RSRC1: variants seen among roughly 807,000 people sequenced by gnomAD.
RSRC1 encodes the protein serine/Arginine-related protein 53.
RSRC1 carries 39 observed loss-of-function variants against 49.1 expected under a neutral mutation model. The ratio of observed to expected loss-of-function variants is 0.79; its 90% CI spans 0.61 to 1.04. The LOEUF (loss-of-function observed/expected upper bound fraction) is 1.04, where lower values mean the gene tolerates loss of function less well. Among genes scored for constraint, RSRC1 ranks in the 50% least tolerant of loss-of-function variants. The pLI, the probability that RSRC1 is intolerant of heterozygous loss-of-function variation, is 0.00. For missense variants in RSRC1, 388 were observed against 402.4 expected (o/e 0.96, Z 0.31); for synonymous variants, 143 against 130.8 (o/e 1.09, Z -0.63).
chr3:158,114,513 G>GT (rs1007442180), intron 1 of RSRC1, among the ~76,000 whole-genome samples: 5 of 151,340 alleles, frequency 3.3e-5, no homozygotes, highest in South Asian at 4.2e-4. Flanking sequence ...TTTTGAAATA[G>GT]TTTTTTTTTC....
intron 3 of RSRC1, among the ~76,000 whole-genome samples, chr3:158,162,410 C>CT (rs891190017): frequency 8.6e-5 from 13 of 151,782 alleles, no homozygotes; most frequent in Admixed American, 2.0e-4. Context: ...TAATGGTTTC[C>CT]TTTTTTTTGG....
chr3:158,235,839 CA>C (rs1327368721), intron 4 of RSRC1, among the ~76,000 whole-genome samples: 2 of 152,084 alleles, frequency 1.3e-5, no homozygotes, highest in Non-Finnish European at 1.5e-5. Context: ...TAAACCAGGC[CA>C]GGGGCGGTGG....
intron 5 of RSRC1, among the ~76,000 whole-genome samples, chr3:158,348,275 G>C (rs778609936): frequency 3.3e-5 from 5 of 152,158 alleles, no homozygotes; most frequent in African/African-American, 4.8e-5. Flanking sequence ...GAATGGAAGT[G>C]AGAAAGGTAA....
intron 1 of RSRC1, among the ~76,000 whole-genome samples, chr3:158,118,691 A>G (rs770810580): frequency 2.6e-5 from 4 of 152,078 alleles, no homozygotes; most frequent in Non-Finnish European, 5.9e-5. Flanking sequence ...GAAGGCTTTC[A>G]TCATGTTTGC....
intron 4 of RSRC1, among the ~76,000 whole-genome samples, chr3:158,285,782 G>C (rs1726505606): frequency 6.6e-6 from 1 of 152,094 alleles, no homozygotes; most frequent in Admixed American, 6.6e-5. Context: ...TCAGCTTAAG[G>C]ATATTTTGGG....
intron 3 of RSRC1, among the ~76,000 whole-genome samples, chr3:158,124,590 T>C (rs913843125): frequency 2.0e-5 from 3 of 152,152 alleles, no homozygotes; most frequent in Non-Finnish European, 2.9e-5. Context: ...ACTGATTCAA[T>C]CTCCTTGTTA....
At chr3:158,299,828 G>A (rs973531080) in intron 5 of RSRC1, among the ~76,000 whole-genome samples, 1 of 152,114 alleles carries the variant, frequency 6.6e-6, no homozygotes, top group African/African-American at 2.4e-5. Flanking sequence ...ATTTTATCCA[G>A]CAGTGGTTTT....
chr3:158,154,464 A>G lies in RSRC1; in HGVS notation c.320+30473A>G, dbSNP rs918580224. ...TGTTGTCTAGTATTTTACCGATCAT[A>G]GAACTTTTTTTTTTTTTTGAGAGGG... On this transcript the variant is annotated intron_variant, in intron 3 of 9. Coordinates refer to ENST00000611884, the MANE Select transcript of RSRC1 (RefSeq NM_001271838.2). Among the ~76,000 whole-genome samples, 28 of 140,898 alleles carry G rather than the reference A, an allele frequency of 2.0e-4. No homozygotes were observed. The Admixed American group carries it at 2.0e-3, about 10-fold the overall frequency. 92.4% of individuals were successfully genotyped at this position (140,898 alleles called of 152,430 possible).
intron 3 of RSRC1, among the ~76,000 whole-genome samples, chr3:158,194,962 G>A (rs1486188417): frequency 2.6e-5 from 4 of 152,194 alleles, no homozygotes; most frequent in African/African-American, 7.2e-5. Context: ...AAACATACAT[G>A]TGCATGTGTC....
At chr3:158,195,548 G>C (rs995193194) in intron 3 of RSRC1, among the ~76,000 whole-genome samples, 1 of 152,116 alleles carries the variant, frequency 6.6e-6, no homozygotes, top group African/African-American at 2.4e-5. Flanking sequence ...ATTGCTTTTG[G>C]TGTTTTAGAC....
chr3:158,323,803 G>A (rs1728901707), intron 5 of RSRC1, among the ~76,000 whole-genome samples: 1 of 152,146 alleles, frequency 6.6e-6, no homozygotes, highest in Admixed American at 6.5e-5. Context: ...TTGCCCATAT[G>A]TATAGTTGTT....
intron 3 of RSRC1, among the ~76,000 whole-genome samples, chr3:158,192,193 T>G (rs1243900624): frequency 3.3e-5 from 5 of 152,082 alleles, no homozygotes; most frequent in Admixed American, 3.3e-4. Context: ...GTCCAATAGC[T>G]TATTCTGTGC....
chr3:158,276,114 C>T, intron 4 of RSRC1: 1 of 920,692 alleles, frequency 1.1e-6, no homozygotes, highest in South Asian at 1.3e-5. Flanking sequence ...CAGCTCACTC[C>T]TCTGCAACGG....
chr3:158,241,733 A>G (rs1342494727), intron 4 of RSRC1, among the ~76,000 whole-genome samples: 1 of 152,052 alleles, frequency 6.6e-6, no homozygotes, highest in African/African-American at 2.4e-5. Context: ...TCTTCTAGGT[A>G]AATCACTGAA....
At chr3:158,152,467 C>T (rs1399985733) in intron 3 of RSRC1, among the ~76,000 whole-genome samples, 1 of 152,132 alleles carries the variant, frequency 6.6e-6, no homozygotes. Flanking sequence ...TAAATGTCTC[C>T]TCTGTCTTTT....
intron 3 of RSRC1, among the ~76,000 whole-genome samples, chr3:158,163,103 G>A (rs193069251): frequency 6.8e-4 from 104 of 152,098 alleles, no homozygotes; most frequent in African/African-American, 2.3e-3. Flanking sequence ...TCATGGGTTC[G>A]AGTGATTCTC....
chr3:158,148,820 A>G (rs6765767), intron 3 of RSRC1, among the ~76,000 whole-genome samples: 95,550 of 150,640 alleles, frequency 0.63, 30,810 homozygotes, highest in African/African-American at 0.74. Context: ...TTTCACTCTT[A>G]TTGCCCAGGC....
intron 6 of RSRC1, among the ~76,000 whole-genome samples, chr3:158,377,537 T>C (rs139352444): frequency 4.6e-5 from 7 of 152,288 alleles, no homozygotes; most frequent in African/African-American, 1.4e-4. Flanking sequence ...CTATGTGATA[T>C]ACTGACTCCC....
chr3:158,317,644 C>T (rs917449986), intron 5 of RSRC1, among the ~76,000 whole-genome samples: 3 of 151,820 alleles, frequency 2.0e-5, no homozygotes, highest in African/African-American at 7.3e-5. Flanking sequence ...CTGCAACCTC[C>T]AGCCCCTGGG....
Sources: gnomAD v4.1 joint callset for allele counts (sites outside exome capture counted in the v4.1 genomes callset) on GRCh38, gnomAD v4.1.1 for gene constraint, MANE v1.5 for transcripts, NCBI Gene and HGNC (gene_info 2026-07-23, HGNC 2026-07-21) for gene names.